The following TRABD2B variants were observed in gnomAD, a reference collection of about 807,000 sequenced individuals.
The protein encoded by TRABD2B is metalloprotease TIKI2.
Under a neutral mutation model 40.1 loss-of-function variants are expected in TRABD2B, and 14 were observed. The ratio of observed to expected loss-of-function variants is 0.35; its 90% CI spans 0.23 to 0.55. TRABD2B has a LOEUF of 0.55. Among genes scored for constraint, TRABD2B ranks in the 20% least tolerant of loss-of-function variants. TRABD2B has a pLI of 0.90. For missense variants in TRABD2B, 541 were observed against 648.6 expected, an observed-to-expected ratio of 0.83 and a Z score of 1.80; for synonymous variants, 263 against 277.0, an observed-to-expected ratio of 0.95 and a Z score of 0.50.
At chr1:47,957,727 A>C (rs1178438865) in intron 2 of TRABD2B, among the ~76,000 whole-genome samples, 1 of 152,218 alleles carries the variant, frequency 6.6e-6, no homozygotes, top group Non-Finnish European at 1.5e-5. Flanking sequence ...CCAAATCTAC[A>C]TCTGATTGGT....
intron 4 of TRABD2B, among the ~76,000 whole-genome samples, chr1:47,787,432 C>T (rs939578510): frequency 3.3e-5 from 5 of 152,180 alleles, no homozygotes; most frequent in Non-Finnish European, 7.3e-5. Flanking sequence ...TCTACCCTCA[C>T]GTCTTTGGCG....
chr1:47,885,659 T>G (rs1294979629), intron 2 of TRABD2B, among the ~76,000 whole-genome samples: 1 of 152,074 alleles, frequency 6.6e-6, no homozygotes, highest in African/African-American at 2.4e-5. Flanking sequence ...AATGAGGGCC[T>G]TTCAAGTAGC....
Position 47,801,614 on chromosome 1 carries a change from C to T in TRABD2B, c.672G>A (p.Leu224=), listed in dbSNP as rs1263822258. 10 of 1,535,660 alleles carry T rather than the reference C, an allele frequency of 6.5e-6. No individual in the cohort carries two copies. In the African/African-American group the frequency reaches 1.2e-4, roughly 19 times the overall value. ...LNNGLNFSQV[L]FALNQTLLQQ... ...GCAGCAGGGTTTGGTTCAGGGCAAA[C>T]AGCACCTGGGCCGAGGAAAGAGAGA... Residue 224 remains leucine (L), a synonymous_variant, in exon 3 of 7, where the codon CTG becomes CTA. Transcript: ENST00000606738.
intron 2 of TRABD2B, among the ~76,000 whole-genome samples, chr1:47,962,259 T>C (rs1033595722): frequency 2.6e-5 from 4 of 152,126 alleles, no homozygotes; most frequent in Non-Finnish European, 5.9e-5. Context: ...ATATACCTAA[T>C]GTAAATGACG....
chr1:47,926,897 G>A lies in TRABD2B; in HGVS notation c.666+67137C>T, dbSNP rs142846548. Among the ~76,000 whole-genome samples, 661 of 152,290 alleles carry A rather than the reference G, an allele frequency of 4.3e-3. 8 individuals are homozygous for A. Among genetic ancestry groups the A allele is most frequent in the South Asian group, 9.7e-3 (47 of 4,822 alleles). ...CTGACTGTGTATTCAGCTGAAGGATGCAGGTTCAGTATACATCCTAGTTCC... is the reference window on the plus strand; with the variant it reads ...CTGACTGTGTATTCAGCTGAAGGATACAGGTTCAGTATACATCCTAGTTCC... On this transcript the variant is annotated intron_variant, in intron 2 of 6. Coordinates refer to ENST00000606738, the MANE Select transcript of TRABD2B (RefSeq NM_001194986.2).
intron 2 of TRABD2B, among the ~76,000 whole-genome samples, chr1:47,920,724 C>T (rs1280846824): frequency 6.6e-6 from 1 of 152,206 alleles, no homozygotes; most frequent in Non-Finnish European, 1.5e-5. Context: ...AGGGCAGAGA[C>T]CCTCTTTTCC....
chr1:47,810,880 G>A (rs532549392), intron 2 of TRABD2B, among the ~76,000 whole-genome samples: 1 of 152,346 alleles, frequency 6.6e-6, no homozygotes, highest in East Asian at 1.9e-4. Flanking sequence ...GAGAAGGGTG[G>A]GCGGAGGTAA....
At chr1:47,801,378 T>C in intron 3 of TRABD2B, 95 bp downstream of exon 3, 7 of 1,331,620 alleles carry the variant, frequency 5.3e-6, no homozygotes, top group Non-Finnish European at 7.1e-6. Context: ...CGATAGCTCC[T>C]TCTTGCCATG....
intron 2 of TRABD2B, among the ~76,000 whole-genome samples, chr1:47,884,665 G>A (rs983019894): frequency 2.0e-5 from 3 of 152,086 alleles, no homozygotes; most frequent in Non-Finnish European, 4.4e-5. Context: ...CCAGGCTGGA[G>A]TGCAGTGTTG....
intron 2 of TRABD2B, among the ~76,000 whole-genome samples, chr1:47,830,243 C>T (rs1645231261): frequency 6.6e-6 from 1 of 152,230 alleles, no homozygotes; most frequent in South Asian, 2.1e-4. Flanking sequence ...CAAGGATGGG[C>T]CTGGCCCAGA....
intron 2 of TRABD2B, among the ~76,000 whole-genome samples, chr1:47,849,300 T>C (rs550946679): frequency 2.1e-4 from 32 of 152,200 alleles, no homozygotes; most frequent in African/African-American, 7.7e-4. Context: ...ACACCAGACA[T>C]GTGTACAACT....
At chr1:47,827,810 T>C (rs1645196351) in intron 2 of TRABD2B, among the ~76,000 whole-genome samples, 1 of 151,828 alleles carries the variant, frequency 6.6e-6, no homozygotes, top group Admixed American at 6.6e-5. Flanking sequence ...ACAGGAGGGA[T>C]TTAAACAAGG....
At chr1:47,957,416 G>T (rs984912508) in intron 2 of TRABD2B, among the ~76,000 whole-genome samples, 11 of 152,106 alleles carry the variant, frequency 7.2e-5, no homozygotes, top group Admixed American at 7.2e-4. Flanking sequence ...AAATTTCTCC[G>T]AGCTAAAGGA....
chr1:47,837,185 T>C (rs936266384), intron 2 of TRABD2B, among the ~76,000 whole-genome samples: 1 of 152,056 alleles, frequency 6.6e-6, no homozygotes, highest in African/African-American at 2.4e-5. Context: ...GCTGGTGGGA[T>C]CCAACCCTCT....
chr1:47,834,562 AAC>A (rs1180009571), intron 2 of TRABD2B, among the ~76,000 whole-genome samples: 1 of 136,514 alleles, frequency 7.3e-6, no homozygotes, highest in Non-Finnish European at 1.5e-5. Context: ...GATGTGCTCC[AAC>A]ACACACACAC....
At chr1:47,832,702 T>C (rs1417140) in intron 2 of TRABD2B, among the ~76,000 whole-genome samples, 147,805 of 152,288 alleles carry the variant, frequency 0.97, 71,901 homozygotes, top group East Asian at 1. Context: ...TCTACAAGTC[T>C]TGACGCTGGG....
chr1:47,893,812 C>T (rs1381376201), intron 2 of TRABD2B, among the ~76,000 whole-genome samples: 1 of 152,144 alleles, frequency 6.6e-6, no homozygotes, highest in Admixed American at 6.5e-5. Context: ...TGCAAACTGC[C>T]TAGATTCATC....
In TRABD2B at chr1:47,994,396, G is replaced by C; in HGVS notation, c.304C>G (p.Leu102Val). The change falls in exon 2 of 7, where the codon CTG (leucine) becomes GTG (valine). Residue 102 changes from leucine to valine, a missense_variant. Physicochemically the swap from Leu to Val is conservative, Grantham distance 32. Around this residue, in one of 2 missense-constraint regions of TRABD2B, gnomAD observed 369 missense variants for 492.8 expected, o/e 0.75. Transcript: ENST00000606738. The surrounding 1 kb of genome is among the most constrained non-coding windows in gnomAD (Gnocchi z 6.7). ...YTISALASCQ[L>V]LPHGENLQDV... The stretch of plus-strand genomic sequence containing the variant: ...TGCAGGTTTTCCCCGTGCGGCAGCA[G>C]CTGGCAGCTGGCCAGGGCCGAGATG... The C allele has an allele frequency of 6.5e-7, 1 of 1,536,184 alleles. No individual in the cohort carries two copies. The highest frequency in any genetic ancestry group is 8.7e-7 in the Non-Finnish European group (1 of 1,146,926).
At chr1:47,875,186 T>C (rs1326345502) in intron 2 of TRABD2B, among the ~76,000 whole-genome samples, 3 of 151,902 alleles carry the variant, frequency 2.0e-5, no homozygotes, top group Non-Finnish European at 2.9e-5. Flanking sequence ...CCCTCCCAGA[T>C]AGGAAACAGT....
Sources: gnomAD v4.1 joint callset for allele counts (sites outside exome capture counted in the v4.1 genomes callset) on GRCh38, gnomAD v4.1.1 for gene constraint, gnomAD v4.1.1 regional missense constraint, Gnocchi (gnomAD v3.1) non-coding constraint, MANE v1.5 for transcripts, NCBI Gene and HGNC (gene_info 2026-07-23, HGNC 2026-07-21) for gene names.